Variants in GNG12 observed in about 807,000 individuals in gnomAD.
The protein encoded by GNG12 is G protein subunit gamma 12.
For synonymous variants in GNG12, 28 were observed against 29.7 expected, an observed-to-expected ratio of 0.94 and a Z score of 0.19; for missense variants, 69 against 83.8, an observed-to-expected ratio of 0.82 and a Z score of 0.69.
intron 1 of GNG12, among the ~76,000 whole-genome samples, chr1:67,799,935 TG>T (rs1477165222): frequency 1.3e-5 from 2 of 152,228 alleles, no homozygotes; most frequent in Non-Finnish European, 2.9e-5. Flanking sequence ...GACATGTTTT[TG>T]TAGTTTTAGT....
Position 67,833,327 on chromosome 1 carries a change from C to A in GNG12, c.-77+17G>T. 1.0e-6 allele frequency: 1 copy of A among 959,906 alleles called. No individual in the cohort carries two copies. Among genetic ancestry groups the A allele is most frequent in the Non-Finnish European group, 1.2e-6 (1 of 806,316 alleles). 59.5% of individuals were successfully genotyped at this position (959,906 alleles called of 1,614,324 possible). A position where few individuals can be genotyped will look rare whatever the true frequency, so the allele number is the denominator to read the frequency against. ...GGGGACCCGACTCACCACCCGCGCC[C>A]GCCGCTTGGTACTCACCCGCCTGCC... is the stretch of plus-strand genomic sequence containing the variant. On this transcript the variant is annotated intron_variant, in intron 1 of 3. Coordinates refer to ENST00000370982, the MANE Select transcript of GNG12 (RefSeq NM_018841.6).
chr1:67,797,596 G>A (rs1021781757), intron 1 of GNG12, among the ~76,000 whole-genome samples: 1 of 152,174 alleles, frequency 6.6e-6, no homozygotes, highest in African/African-American at 2.4e-5. Flanking sequence ...GTGCAGCTTA[G>A]GGAAAACAGT....
intron 2 of GNG12, among the ~76,000 whole-genome samples, chr1:67,761,350 A>T (rs1432210795): frequency 6.6e-6 from 1 of 152,244 alleles, no homozygotes; most frequent in Non-Finnish European, 1.5e-5. Flanking sequence ...AAAATAGTTT[A>T]AAAGATTTCC....
chr1:67,770,875 T>A (rs973418763), intron 2 of GNG12, among the ~76,000 whole-genome samples: 1 of 152,100 alleles, frequency 6.6e-6, no homozygotes, highest in Non-Finnish European at 1.5e-5. Context: ...TGGCCCTTGG[T>A]GGCTGGATGG....
intron 2 of GNG12, among the ~76,000 whole-genome samples, chr1:67,764,613 T>G (rs1437625697): frequency 6.6e-6 from 1 of 152,158 alleles, no homozygotes; most frequent in African/African-American, 2.4e-5. Context: ...CAACACTAGA[T>G]TAATGGCCAC....
chr1:67,731,480 CGGA>C (rs1557599035), intron 2 of GNG12, among the ~76,000 whole-genome samples: 1 of 152,130 alleles, frequency 6.6e-6, no homozygotes, highest in East Asian at 1.9e-4. Flanking sequence ...GCAGGCTTCA[CGGA>C]GGAGGTGGAA....
intron 2 of GNG12, among the ~76,000 whole-genome samples, chr1:67,717,130 T>G (rs1646329865): frequency 6.6e-6 from 1 of 152,198 alleles, no homozygotes; most frequent in African/African-American, 2.4e-5. Flanking sequence ...ATAGGTCCTC[T>G]GAAGAAATGG....
chr1:67,764,674 C>T (rs1646625663), intron 2 of GNG12, among the ~76,000 whole-genome samples: 1 of 152,148 alleles, frequency 6.6e-6, no homozygotes, highest in African/African-American at 2.4e-5. Flanking sequence ...AAGGTACTAA[C>T]AGCTGTGTGT....
At chr1:67,710,086 A>G (rs865845655) in intron 2 of GNG12, among the ~76,000 whole-genome samples, 18 of 37,512 alleles carry the variant, frequency 4.8e-4, no homozygotes, top group African/African-American at 1.2e-3. Flanking sequence ...TTATATATAT[A>G]TAGTTATATA....
intron 2 of GNG12, among the ~76,000 whole-genome samples, chr1:67,713,855 C>T (rs1646310100): frequency 6.6e-6 from 1 of 152,196 alleles, no homozygotes; most frequent in African/African-American, 2.4e-5. Context: ...GGCCCCTAGG[C>T]TCACTAACAA....
rs556327594 is a variant in GNG12 at position 67,803,660 on chromosome 1, C to T, written c.-76-26153G>A. Among the ~76,000 whole-genome samples the T allele has an allele frequency of 6.6e-5, 10 of 152,314 alleles. 2 individuals are homozygous for T. Among genetic ancestry groups the T allele is most frequent in the African/African-American group, 2.2e-4 (9 of 41,570 alleles). ...TACTTTTATCTTCACAACAACCTTA[C>T]GAAGTTATGTTCCCTTTTTAGAGAT... is the stretch of plus-strand genomic sequence containing the variant. On this transcript the variant is annotated intron_variant, in intron 1 of 3. Coordinates refer to ENST00000370982, the MANE Select transcript of GNG12 (RefSeq NM_018841.6).
chr1:67,810,850 A>C (rs755953440), intron 1 of GNG12, among the ~76,000 whole-genome samples: 13 of 152,164 alleles, frequency 8.5e-5, no homozygotes, highest in Admixed American at 7.2e-4. Flanking sequence ...TCTCAGTTTT[A>C]TTCTTTGTAC....
At chr1:67,777,938 C>T (rs1646715726) in intron 1 of GNG12, among the ~76,000 whole-genome samples, 1 of 152,106 alleles carries the variant, frequency 6.6e-6, no homozygotes, top group African/African-American at 2.4e-5. Flanking sequence ...CTAACAGTGG[C>T]TTTCTGATCA....
intron 2 of GNG12, among the ~76,000 whole-genome samples, chr1:67,722,777 G>C (rs142826066): frequency 1.3e-5 from 2 of 152,306 alleles, no homozygotes; most frequent in African/African-American, 4.8e-5. Context: ...ATGCAGGGTG[G>C]AACAGAAATG....
At chr1:67,733,561 G>A (rs1019778059) in intron 2 of GNG12, among the ~76,000 whole-genome samples, 2 of 152,088 alleles carry the variant, frequency 1.3e-5, no homozygotes, top group African/African-American at 4.8e-5. Flanking sequence ...CATACAGAGG[G>A]TTAGTGTATT....
rs369614289 is a variant in GNG12, at chr1:67,782,379, G to A, written c.-76-4872C>T. 1.1e-4 allele frequency among the ~76,000 whole-genome samples: 16 copies of A among 152,114 alleles called. No individual in the cohort carries two copies. In the East Asian group the frequency reaches 1.7e-3, roughly 16 times the overall value. ...CTGGCATTTTGCCCCATTGTACAAC[G>A]GCTTCTGTCCCAGAGAATGGTACAC... On this transcript the variant is annotated intron_variant, in intron 1 of 3. Transcript: ENST00000370982.
chr1:67,750,057 T>C (rs1453226465), intron 2 of GNG12, among the ~76,000 whole-genome samples: 1 of 152,206 alleles, frequency 6.6e-6, no homozygotes, highest in Non-Finnish European at 1.5e-5. Context: ...AGGTACCCAC[T>C]GCCCAGCCTG....
At chr1:67,710,573 T>C (rs1051715203) in intron 2 of GNG12, among the ~76,000 whole-genome samples, 1 of 152,088 alleles carries the variant, frequency 6.6e-6, no homozygotes, top group Admixed American at 6.5e-5. Flanking sequence ...ACTCTATTAA[T>C]ATTTATAAAA....
chr1:67,832,188 C>A (rs926707090), intron 1 of GNG12: 3 of 152,212 alleles, frequency 2.0e-5, no homozygotes, highest in Non-Finnish European at 4.4e-5. Context: ...CAACTCCACA[C>A]GGTCTAATAA....
Sources: gnomAD v4.1 joint callset for allele counts (sites outside exome capture counted in the v4.1 genomes callset) on GRCh38, gnomAD v4.1.1 for gene constraint, MANE v1.5 for transcripts, NCBI Gene and HGNC (gene_info 2026-07-23, HGNC 2026-07-21) for gene names.